The following PDE4D variants were observed in gnomAD, a reference collection of about 807,000 sequenced individuals.
The protein encoded by PDE4D is 3',5'-cyclic-AMP phosphodiesterase 4D.
A neutral mutation model predicts 87.4 loss-of-function variants in PDE4D; 24 were observed. The ratio of observed to expected loss-of-function variants is 0.27; its 90% CI spans 0.20 to 0.39. The LOEUF is 0.39. PDE4D is among the 10% of genes least tolerant of loss of function. The pLI is 1.00. For missense variants in PDE4D, 714 were observed against 1,041.0 expected (o/e 0.69, Z 4.32); for synonymous variants, 384 against 383.2 (o/e 1.00, Z -0.02).
chr5:60,417,499 G>A (rs1742711124), intron 1 of PDE4D, among the ~76,000 whole-genome samples: 2 of 152,108 alleles, frequency 1.3e-5, no homozygotes, highest in African/African-American at 4.8e-5. Flanking sequence ...GTTTCTCAGA[G>A]GAAAAATCAA....
At chr5:59,369,898 C>T (rs1401137779) in intron 1 of PDE4D, among the ~76,000 whole-genome samples, 1 of 152,120 alleles carries the variant, frequency 6.6e-6, no homozygotes, top group Admixed American at 6.5e-5. Flanking sequence ...AACCACCCCA[C>T]CACTAAACCT....
At chr5:60,191,593 T>G (rs926215908) in intron 1 of PDE4D, among the ~76,000 whole-genome samples, 5 of 152,186 alleles carry the variant, frequency 3.3e-5, no homozygotes, top group Non-Finnish European at 7.4e-5. Context: ...CCTTTATAAA[T>G]TGCCCAGTCT....
At chr5:59,237,371 T>C (rs924585422) in intron 1 of PDE4D, among the ~76,000 whole-genome samples, 1 of 152,228 alleles carries the variant, frequency 6.6e-6, no homozygotes. Context: ...CATTTGCCAA[T>C]TTCTTTACAT....
chr5:59,546,258 A>G (rs949335373), intron 1 of PDE4D, among the ~76,000 whole-genome samples: 11 of 152,156 alleles, frequency 7.2e-5, no homozygotes, highest in African/African-American at 2.7e-4. Flanking sequence ...CTTTACATAA[A>G]TGCAGCTACA....
chr5:59,468,175 T>C (rs1268793549), intron 1 of PDE4D, among the ~76,000 whole-genome samples: 2 of 152,094 alleles, frequency 1.3e-5, no homozygotes, highest in Non-Finnish European at 2.9e-5. Context: ...ATGAACACTG[T>C]CTGTAATTTT....
chr5:60,280,220 G>A (rs1751761262), intron 1 of PDE4D, among the ~76,000 whole-genome samples: 1 of 151,860 alleles, frequency 6.6e-6, no homozygotes, highest in Admixed American at 6.6e-5. Context: ...ATGTGACACA[G>A]CAATTAATAT....
At chr5:59,759,088 T>G (rs948573199) in intron 1 of PDE4D, among the ~76,000 whole-genome samples, 1 of 152,110 alleles carries the variant, frequency 6.6e-6, no homozygotes, top group Non-Finnish European at 1.5e-5. Flanking sequence ...TTTGCTACAT[T>G]AGAGATAGTA....
At chr5:59,715,856 G>A (rs779794235) in intron 1 of PDE4D, among the ~76,000 whole-genome samples, 1 of 152,204 alleles carries the variant, frequency 6.6e-6, no homozygotes, top group Non-Finnish European at 1.5e-5. Flanking sequence ...GTCATAACCT[G>A]GAGTTGTTGC....
At chr5:59,193,779 G>A (rs571400640) in intron 2 of PDE4D, 82 of 985,296 alleles carry the variant, frequency 8.3e-5, no homozygotes, top group Non-Finnish European at 9.4e-5. Flanking sequence ...CAGGGTCACT[G>A]TTGCTTTTTA....
At chr5:59,463,507 C>T (rs75407869) in intron 1 of PDE4D, among the ~76,000 whole-genome samples, 3,044 of 152,142 alleles carry the variant, frequency 0.02, 106 homozygotes, top group African/African-American at 0.07. Context: ...TAACAGTCCC[C>T]GCACTGAATC....
intron 1 of PDE4D, among the ~76,000 whole-genome samples, chr5:59,549,681 C>A (rs1817801521): frequency 6.6e-6 from 1 of 152,048 alleles, no homozygotes; most frequent in Admixed American, 6.6e-5. Context: ...AAACTCTGTA[C>A]CCACCCAACC....
At chr5:59,821,225 T>G (rs1195824487) in intron 1 of PDE4D, among the ~76,000 whole-genome samples, 1 of 148,076 alleles carries the variant, frequency 6.8e-6, no homozygotes, top group Non-Finnish European at 1.5e-5. Context: ...AGAGCAAGAT[T>G]CTGTCTCAAC....
intron 5 of PDE4D, among the ~76,000 whole-genome samples, chr5:59,081,517 G>GT (rs1170920196): frequency 8.3e-4 from 82 of 98,666 alleles, no homozygotes; most frequent in Non-Finnish European, 1.3e-3. Context: ...AAGTAATCAG[G>GT]TAAAAAAAAA....
chr5:60,112,852 G>A (rs1483407137), intron 2 of PDE4D, among the ~76,000 whole-genome samples: 1 of 152,012 alleles, frequency 6.6e-6, no homozygotes, highest in African/African-American at 2.4e-5. Context: ...AGAGAAGAAG[G>A]TAACTTTATT....
intron 1 of PDE4D, among the ~76,000 whole-genome samples, chr5:59,363,122 A>C (rs1256433935): frequency 1.3e-5 from 2 of 152,128 alleles, no homozygotes; most frequent in Non-Finnish European, 2.9e-5. Context: ...TTTGGTGTTT[A>C]TTCTGTGGTG....
chr5:59,175,052 T>C (rs1783607634), intron 5 of PDE4D, among the ~76,000 whole-genome samples: 1 of 152,172 alleles, frequency 6.6e-6, no homozygotes, highest in Admixed American at 6.5e-5. Flanking sequence ...CTAAGGTTGT[T>C]CGAAAATGAA....
intron 1 of PDE4D, among the ~76,000 whole-genome samples, chr5:59,683,349 T>C (rs943591680): frequency 3.9e-5 from 6 of 152,194 alleles, no homozygotes; most frequent in Non-Finnish European, 8.8e-5. Context: ...GTGCTATTCT[T>C]GCCACTTTAC....
At chr5:60,430,561 T>TTTA (rs1554034826) in intron 1 of PDE4D, among the ~76,000 whole-genome samples, 51 of 150,900 alleles carry the variant, frequency 3.4e-4, no homozygotes, top group African/African-American at 1.2e-3. Context: ...TTTTTTTTTT[T>TTTA]ATTGATCATT....
In PDE4D at chr5:59,574,006, AT is replaced by A. The variant is rs367545294; in HGVS notation, c.455+319161del. Among the ~76,000 whole-genome samples the A allele has an allele frequency of 6.3e-3, 602 of 95,850 alleles. 27 individuals carry two copies. The highest frequency in any genetic ancestry group is 0.012 in the South Asian group (41 of 3,320). The allele number at this position is 95,850 out of a possible 152,430, so 62.9% of individuals were successfully genotyped here. On this transcript the variant is annotated intron_variant, in intron 1 of 14. Coordinates refer to ENST00000340635, the MANE Select transcript of PDE4D (RefSeq NM_001104631.2). Reference sequence around the variant, plus strand: ...AAGGGAGACTCTGTCTCAAAAAAAAATATATATATATATATATATATAAAAA... The same window carrying A: ...AAGGGAGACTCTGTCTCAAAAAAAAAATATATATATATATATATATAAAAA...
Sources: allele counts gnomAD v4.1 joint callset (sites outside exome capture counted in the v4.1 genomes callset), GRCh38; gene constraint gnomAD v4.1.1; transcripts MANE v1.5; gene names NCBI Gene and HGNC (gene_info 2026-07-23, HGNC 2026-07-21).